Variants in RAD52 observed in about 807,000 individuals in gnomAD.
RAD52 encodes DNA repair protein RAD52 homolog.
A neutral mutation model predicts 55.5 loss-of-function variants in RAD52; 47 were observed. That is an observed-to-expected ratio of 0.85 (90% CI 0.67 to 1.08). RAD52 has a LOEUF of 1.08. Among genes scored for constraint, RAD52 ranks in the 50% least tolerant of loss-of-function variants. The probability of loss-of-function intolerance (pLI) is 0.00; values close to 1 mark genes in which losing one functional copy is unlikely to be tolerated. For synonymous variants in RAD52, 184 were observed against 198.9 expected (o/e 0.92, Z 0.63); for missense variants, 468 against 522.8 (o/e 0.90, Z 1.02).
At chr12:922,895 A>G (rs553827668) in intron 7 of RAD52, among the ~76,000 whole-genome samples, 2 of 151,938 alleles carry the variant, frequency 1.3e-5, no homozygotes, top group Non-Finnish European at 2.9e-5. Flanking sequence ...CAGTAGTGCA[A>G]TCTTGGCTCA....
intron 1 of RAD52, among the ~76,000 whole-genome samples, chr12:945,386 C>A (rs1317785448): frequency 6.6e-6 from 1 of 150,828 alleles, no homozygotes; most frequent in African/African-American, 2.4e-5. Flanking sequence ...TAATTGAAAT[C>A]TCAAAATGTC....
chr12:936,367 T>G (rs1957629526), intron 1 of RAD52, among the ~76,000 whole-genome samples: 2 of 152,088 alleles, frequency 1.3e-5, no homozygotes, highest in South Asian at 4.2e-4. Context: ...CTTATCTTTG[T>G]CCATAAAGTA....
chr12:933,134 G>C, intron 1 of RAD52, 58 bp from the exon 2 acceptor site: 12 of 1,234,754 alleles, frequency 9.7e-6, no homozygotes, highest in Non-Finnish European at 1.4e-5. Context: ...TAAAGTAAAA[G>C]GCAAGAGCCT....
intron 1 of RAD52, among the ~76,000 whole-genome samples, chr12:965,959 C>T (rs1958760084): frequency 6.6e-6 from 1 of 151,962 alleles, no homozygotes; most frequent in Admixed American, 6.6e-5. Context: ...GCTGGGATTA[C>T]AGGCATGAAC....
chr12:920,374 G>A (rs1956654428), intron 7 of RAD52, among the ~76,000 whole-genome samples: 1 of 97,818 alleles, frequency 1.0e-5, no homozygotes, highest in Non-Finnish European at 2.2e-5. Context: ...GGCTAACATG[G>A]TGAAACCCCG....
intron 1 of RAD52, among the ~76,000 whole-genome samples, chr12:987,679 G>A (rs1959104104): frequency 6.6e-6 from 1 of 151,632 alleles, no homozygotes; most frequent in African/African-American, 2.4e-5. Context: ...TCCCACCTCA[G>A]CCACCTGAGT....
intron 1 of RAD52, among the ~76,000 whole-genome samples, chr12:937,034 C>T (rs775119491): frequency 5.3e-5 from 8 of 152,150 alleles, no homozygotes; most frequent in Non-Finnish European, 1.2e-4. Context: ...ACCTGGTACC[C>T]ACACATGCAC....
At chr12:921,033 C>T (rs976748182) in intron 7 of RAD52, among the ~76,000 whole-genome samples, 3 of 152,086 alleles carry the variant, frequency 2.0e-5, no homozygotes, top group African/African-American at 7.2e-5. Context: ...AAACACCACA[C>T]TCTTAAAGTC....
chr12:934,829 C>A (rs532831916), intron 1 of RAD52, among the ~76,000 whole-genome samples: 6 of 152,138 alleles, frequency 3.9e-5, no homozygotes, highest in South Asian at 2.1e-4. Context: ...TTTAAAAAAA[C>A]CGGCCAGGTG....
At chr12:940,601 G>T (rs906809218) in intron 1 of RAD52, among the ~76,000 whole-genome samples, 1 of 151,812 alleles carries the variant, frequency 6.6e-6, no homozygotes, top group African/African-American at 2.4e-5. Context: ...GACAGAGCAA[G>T]ACTCCGTCTA....
chr12:969,775 G>C (rs1219927896), intron 1 of RAD52, among the ~76,000 whole-genome samples: 1 of 150,482 alleles, frequency 6.6e-6, no homozygotes, highest in Non-Finnish European at 1.5e-5. Context: ...GGGTGACAGA[G>C]CAAGACCCTG....
intron 3 of RAD52, among the ~76,000 whole-genome samples, chr12:930,370 A>C (rs3748521): frequency 0.45 from 68,084 of 151,812 alleles, 15,498 homozygotes; most frequent in East Asian, 0.53. Flanking sequence ...CAGAGTGAGA[A>C]CCAGTCTGTT....
chr12:917,270 C>T (rs1281776379), intron 7 of RAD52, among the ~76,000 whole-genome samples: 2 of 152,178 alleles, frequency 1.3e-5, no homozygotes, highest in African/African-American at 4.8e-5. Flanking sequence ...GAGGGAAGAA[C>T]CCTTGGGAGG....
chr12:958,097 G>A (rs969683854), intron 1 of RAD52, among the ~76,000 whole-genome samples: 9 of 152,244 alleles, frequency 5.9e-5, no homozygotes, highest in African/African-American at 2.2e-4. Flanking sequence ...TCCGGGGCTG[G>A]GAGGAACATG....
chr12:916,569 G>T (rs555901046), intron 8 of RAD52, 70 bp downstream of exon 8: 2 of 1,598,480 alleles, frequency 1.3e-6, no homozygotes, highest in South Asian at 2.2e-5. Context: ...TGGCTCTGGA[G>T]GCCTGAGTGG....
upstream of RAD52, among the ~76,000 whole-genome samples, chr12:954,029 T>A (rs1958571415): frequency 6.6e-6 from 1 of 152,180 alleles, no homozygotes; most frequent in Non-Finnish European, 1.5e-5. Flanking sequence ...ATTCACAACT[T>A]TCGGCAGTGT....
At chr12:944,988 GTTTCT>G (rs1263810648) in intron 1 of RAD52, among the ~76,000 whole-genome samples, 1 of 151,974 alleles carries the variant, frequency 6.6e-6, no homozygotes, top group Admixed American at 6.6e-5. Context: ...ACTGGAGCAA[GTTTCT>G]TTTATTTTCA....
At chr12:982,741 T>C (rs1406666196) in intron 1 of RAD52, among the ~76,000 whole-genome samples, 3 of 147,730 alleles carry the variant, frequency 2.0e-5, no homozygotes, top group African/African-American at 7.5e-5. Context: ...TCACGGCTCA[T>C]TGCAGCCTCG....
intron 1 of RAD52, among the ~76,000 whole-genome samples, chr12:983,441 G>A (rs1210056963): frequency 2.3e-5 from 3 of 132,516 alleles, no homozygotes; most frequent in Non-Finnish European, 3.1e-5. Flanking sequence ...TTTTTGAGAC[G>A]GAGCATCCCT....
Sources: allele counts gnomAD v4.1 joint callset (sites outside exome capture counted in the v4.1 genomes callset), GRCh38; gene constraint gnomAD v4.1.1; transcripts MANE v1.5; gene names NCBI Gene and HGNC (gene_info 2026-07-23, HGNC 2026-07-21).